IL1RAPL1: variants seen among roughly 807,000 people sequenced by gnomAD.
The protein encoded by IL1RAPL1 is interleukin 1 receptor accessory protein like 1.
In IL1RAPL1, 3 loss-of-function variants were observed where a neutral mutation model predicts 48.4. The observed-to-expected ratio is 0.06, with a 90% CI of 0.03 to 0.16. IL1RAPL1 has a LOEUF of 0.16. Ranked by LOEUF, IL1RAPL1 falls within the 10% of genes least tolerant of loss-of-function variation. IL1RAPL1 has a pLI of 1.00. For synonymous variants in IL1RAPL1, 185 were observed against 187.7 expected (o/e 0.99, Z 0.12); for missense variants, 349 against 530.6 (o/e 0.66, Z 3.36).
chrX:29,049,085 G>A (rs1002830032), intron 2 of IL1RAPL1, among the ~76,000 whole-genome samples: 1 of 112,218 alleles, frequency 8.9e-6, no homozygotes, highest in African/African-American at 3.2e-5. Context: ...CTAGCAATCT[G>A]TCTAAAACCT....
At chrX:29,198,336 AC>A (rs1354325309) in intron 2 of IL1RAPL1, among the ~76,000 whole-genome samples, 3 of 108,362 alleles carry the variant, frequency 2.8e-5, no homozygotes, top group Non-Finnish European at 5.7e-5. Flanking sequence ...TTACTCTGTC[AC>A]CCAGACTGGA....
intron 6 of IL1RAPL1, among the ~76,000 whole-genome samples, chrX:29,738,454 T>TCTTTTC (rs1423337688): frequency 3.9e-5 from 4 of 102,581 alleles, no homozygotes; most frequent in African/African-American, 1.4e-4. Context: ...TCTTTTCTTT[T>TCTTTTC]TTTTTTTTTT....
chrX:28,685,214 C>T, intron 1 of IL1RAPL1, among the ~76,000 whole-genome samples: 1 of 112,499 alleles, frequency 8.9e-6, no homozygotes, highest in Non-Finnish European at 1.9e-5. Context: ...AACTGCTTCA[C>T]TTCCTTGGTG....
At chrX:29,405,360 C>CTTTA (rs1556006051) in intron 5 of IL1RAPL1, among the ~76,000 whole-genome samples, 2 of 99,458 alleles carry the variant, frequency 2.0e-5, no homozygotes, top group Non-Finnish European at 3.9e-5. Context: ...TCTCTGTGTT[C>CTTTA]TTTATTTATT....
At chrX:29,382,567 C>T (rs1437119812) in intron 3 of IL1RAPL1, among the ~76,000 whole-genome samples, 1 of 112,127 alleles carries the variant, frequency 8.9e-6, no homozygotes, top group Non-Finnish European at 1.9e-5. Flanking sequence ...CAGTTGTTGA[C>T]ATACACAAAT....
intron 6 of IL1RAPL1, among the ~76,000 whole-genome samples, chrX:29,870,335 T>C (rs1389482623): frequency 2.7e-5 from 3 of 112,100 alleles, no homozygotes; most frequent in Non-Finnish European, 5.6e-5. Context: ...AGGGTCCTGA[T>C]TGAGGCTGAG....
chrX:28,989,660 A>G (rs996360526), intron 2 of IL1RAPL1, among the ~76,000 whole-genome samples: 1 of 112,397 alleles, frequency 8.9e-6, no homozygotes, highest in African/African-American at 3.2e-5. Flanking sequence ...CTGAATGTCT[A>G]CGAAGCAAAA....
intron 6 of IL1RAPL1, among the ~76,000 whole-genome samples, chrX:29,842,135 A>T (rs1442715235): frequency 2.7e-5 from 3 of 112,453 alleles, no homozygotes; most frequent in Non-Finnish European, 5.6e-5. Context: ...TACTGTCTGC[A>T]CAAACAGTTT....
At chrX:28,819,812 A>G (rs763144567) in intron 2 of IL1RAPL1, among the ~76,000 whole-genome samples, 96 of 106,382 alleles carry the variant, frequency 9.0e-4, no homozygotes, top group Non-Finnish European at 1.5e-3. Context: ...TAATATATGT[A>G]TATGTAACAT....
At chrX:29,388,366 AT>A (rs1349589765) in intron 3 of IL1RAPL1, among the ~76,000 whole-genome samples, 1 of 25,612 alleles carries the variant, frequency 3.9e-5, no homozygotes, top group East Asian at 3.9e-4. Context: ...ATTAAAAAAA[AT>A]ATATATATAT....
chrX:29,349,367 AAGTT>A (rs1242215888), intron 3 of IL1RAPL1, among the ~76,000 whole-genome samples: 10 of 111,908 alleles, frequency 8.9e-5, no homozygotes, highest in Non-Finnish European at 1.3e-4. Context: ...GACAGAGAGA[AAGTT>A]AGAGTAATAT....
chrX:29,141,357 C>A (rs1201344358), intron 2 of IL1RAPL1, among the ~76,000 whole-genome samples: 1 of 111,450 alleles, frequency 9.0e-6, no homozygotes, highest in Non-Finnish European at 1.9e-5. Flanking sequence ...ATAAAACTTA[C>A]AAACATGAGT....
At chrX:29,780,549 A>G (rs1322181993) in intron 6 of IL1RAPL1, among the ~76,000 whole-genome samples, 1 of 111,612 alleles carries the variant, frequency 9.0e-6, no homozygotes, top group Non-Finnish European at 1.9e-5. Context: ...TATGAGAGCA[A>G]CAAATGGACG....
At chrX:29,329,538 C>T (rs186051157) in intron 3 of IL1RAPL1, among the ~76,000 whole-genome samples, 44 of 111,379 alleles carry the variant, frequency 4.0e-4, no homozygotes, top group Admixed American at 3.8e-4. Context: ...ACTGGCTTGG[C>T]GCAGTGGCTC....
chrX:28,721,343 A>G (rs1169189813), intron 1 of IL1RAPL1, among the ~76,000 whole-genome samples: 3 of 111,847 alleles, frequency 2.7e-5, no homozygotes, highest in Non-Finnish European at 5.6e-5. Flanking sequence ...TCTGATGGCC[A>G]GTGACGATGA....
At chrX:29,180,950 G>T (rs1212982930) in intron 2 of IL1RAPL1, among the ~76,000 whole-genome samples, 1 of 111,859 alleles carries the variant, frequency 8.9e-6, no homozygotes, top group Non-Finnish European at 1.9e-5. Flanking sequence ...AAACGGAGGG[G>T]TGGTGAGAGT....
chrX:29,377,895 C>T (rs922043750), intron 3 of IL1RAPL1, among the ~76,000 whole-genome samples: 4 of 110,928 alleles, frequency 3.6e-5, no homozygotes, highest in African/African-American at 6.5e-5. Flanking sequence ...TGAATTTGTA[C>T]GTCAACTTCT....
At chrX:28,980,363 G>A (rs1925300329) in intron 2 of IL1RAPL1, among the ~76,000 whole-genome samples, 1 of 112,312 alleles carries the variant, frequency 8.9e-6, no homozygotes, top group African/African-American at 3.2e-5. Context: ...ATTCTTACCT[G>A]CTCATATTTA....
intron 1 of IL1RAPL1, among the ~76,000 whole-genome samples, chrX:28,616,346 C>G (rs7056889): frequency 1.8e-5 from 2 of 111,757 alleles, no homozygotes; most frequent in South Asian, 7.4e-4. Context: ...GATTTATGTA[C>G]AGATCAAAGC....
Sources: allele counts gnomAD v4.1 joint callset (sites outside exome capture counted in the v4.1 genomes callset), GRCh38; gene constraint gnomAD v4.1.1; transcripts MANE v1.5; gene names NCBI Gene and HGNC (gene_info 2026-07-23, HGNC 2026-07-21).